The following ARHGAP6 variants were observed in gnomAD, a reference collection of about 807,000 sequenced individuals.
The protein encoded by ARHGAP6 is rho GTPase-activating protein 6.
In ARHGAP6, 16 loss-of-function variants were observed where a neutral mutation model predicts 55.7. The observed-to-expected ratio is 0.29, with a 90% CI of 0.19 to 0.44. The LOEUF is 0.44. ARHGAP6 is among the 20% of genes least tolerant of loss of function. The probability of loss-of-function intolerance (pLI) is 1.00; values close to 1 mark genes in which losing one functional copy is unlikely to be tolerated. For missense variants in ARHGAP6, 698 were observed against 808.9 expected, an observed-to-expected ratio of 0.86 and a Z score of 1.66; for synonymous variants, 382 against 360.9, an observed-to-expected ratio of 1.06 and a Z score of -0.66.
At chrX:11,157,717 G>A (rs751656863) in intron 9 of ARHGAP6, among the ~76,000 whole-genome samples, 4 of 112,506 alleles carry the variant, frequency 3.6e-5, no homozygotes, top group African/African-American at 1.3e-4. Flanking sequence ...TAAGTGGTTG[G>A]TGGAAGAATT....
At chrX:11,635,713 G>T (rs2052410769) in intron 1 of ARHGAP6, among the ~76,000 whole-genome samples, 1 of 111,211 alleles carries the variant, frequency 9.0e-6, no homozygotes, top group Admixed American at 9.6e-5. Context: ...TAAATAACCA[G>T]CATTTTTGGC....
chrX:11,588,458 A>C (rs751165415), intron 1 of ARHGAP6, among the ~76,000 whole-genome samples: 16 of 112,116 alleles, frequency 1.4e-4, no homozygotes, highest in African/African-American at 5.2e-4. Context: ...CTACCCAAAA[A>C]CTTATACATA....
intron 1 of ARHGAP6, among the ~76,000 whole-genome samples, chrX:11,391,969 T>C (rs2049412167): frequency 8.9e-6 from 1 of 112,209 alleles, no homozygotes; most frequent in South Asian, 3.7e-4. Flanking sequence ...TTGAGAACTG[T>C]CTATGACTAA....
At chrX:11,581,750 C>T (rs1269956077) in intron 1 of ARHGAP6, among the ~76,000 whole-genome samples, 1 of 110,808 alleles carries the variant, frequency 9.0e-6, no homozygotes, top group East Asian at 2.8e-4. Context: ...TGAGTGGTTG[C>T]TTACAGCCAG....
At chrX:11,334,233 C>G (rs189685617) in intron 1 of ARHGAP6, 1 of 142,223 alleles carries the variant, frequency 7.0e-6, no homozygotes, top group East Asian at 1.6e-4. Flanking sequence ...AGGGACATTA[C>G]TTGGTGACCT....
chrX:11,586,487 TGCAGTCTTATTTCTTG>T (rs1372906318), intron 1 of ARHGAP6, among the ~76,000 whole-genome samples: 2 of 111,735 alleles, frequency 1.8e-5, no homozygotes, highest in African/African-American at 6.5e-5. Context: ...ATTGTAGGTG[TGCAGTCTTATTTCTTG>T]GCTCTCTATT....
At chrX:11,203,537 T>C (rs2046663519) in intron 2 of ARHGAP6, among the ~76,000 whole-genome samples, 1 of 111,918 alleles carries the variant, frequency 8.9e-6, no homozygotes, top group Non-Finnish European at 1.9e-5. Flanking sequence ...TTGTCCTCTG[T>C]AATAACATTA....
chrX:11,440,092 G>T, intron 1 of ARHGAP6, among the ~76,000 whole-genome samples: 1 of 112,144 alleles, frequency 8.9e-6, no homozygotes, highest in East Asian at 2.8e-4. Flanking sequence ...AATGCCACAT[G>T]CTCTGAGATC....
intron 1 of ARHGAP6, among the ~76,000 whole-genome samples, chrX:11,304,244 C>T (rs1010236453): frequency 2.7e-5 from 3 of 110,398 alleles, no homozygotes; most frequent in East Asian, 5.7e-4. Flanking sequence ...AGTGAGCCAC[C>T]ACACCCAGCT....
At chrX:11,176,056 A>G (rs1212536899) in intron 8 of ARHGAP6, among the ~76,000 whole-genome samples, 1 of 100,930 alleles carries the variant, frequency 9.9e-6, no homozygotes, top group African/African-American at 3.6e-5. Flanking sequence ...TCCAGTGACT[A>G]TGGGGTCCAT....
At chrX:11,523,337 C>A (rs1004202343) in intron 1 of ARHGAP6, among the ~76,000 whole-genome samples, 1 of 110,849 alleles carries the variant, frequency 9.0e-6, no homozygotes, top group Non-Finnish European at 1.9e-5. Flanking sequence ...GACAGGGATG[C>A]CCTCTCTCAC....
intron 1 of ARHGAP6, among the ~76,000 whole-genome samples, chrX:11,403,079 A>G (rs898371322): frequency 2.7e-5 from 3 of 112,100 alleles, no homozygotes; most frequent in Non-Finnish European, 5.6e-5. Flanking sequence ...AGCTGAGTAG[A>G]ATACGGGCAG....
intron 1 of ARHGAP6, among the ~76,000 whole-genome samples, chrX:11,573,875 G>A (rs911776144): frequency 9.0e-6 from 1 of 111,362 alleles, no homozygotes; most frequent in Non-Finnish European, 1.9e-5. Flanking sequence ...GCAGTGGTTT[G>A]TGGTTCTCCT....
chrX:11,522,099 C>G (rs1284574913), intron 1 of ARHGAP6, among the ~76,000 whole-genome samples: 1 of 111,702 alleles, frequency 9.0e-6, no homozygotes, highest in Non-Finnish European at 1.9e-5. Flanking sequence ...AACCGCCCAA[C>G]TACATGGAAA....
At chrX:11,456,547 T>C (rs182641801) in intron 1 of ARHGAP6, among the ~76,000 whole-genome samples, 5 of 111,647 alleles carry the variant, frequency 4.5e-5, no homozygotes, top group Admixed American at 2.9e-4. Context: ...CCTGGCCTCA[T>C]AGAATAAAGA....
chrX:11,544,274 G>A (rs1297472476), intron 1 of ARHGAP6, among the ~76,000 whole-genome samples: 1 of 112,586 alleles, frequency 8.9e-6, no homozygotes, highest in Non-Finnish European at 1.9e-5. Context: ...ATTAACAGCA[G>A]ATGCCTAGTG....
chrX:11,237,049 T>C (rs2049944896), intron 2 of ARHGAP6, among the ~76,000 whole-genome samples: 1 of 112,815 alleles, frequency 8.9e-6, no homozygotes, highest in Non-Finnish European at 1.9e-5. Flanking sequence ...CTAAGGCTCA[T>C]TTCTCATCCA....
intron 2 of ARHGAP6, among the ~76,000 whole-genome samples, chrX:11,251,048 G>A (rs1171871747): frequency 8.9e-6 from 1 of 111,788 alleles, no homozygotes. Flanking sequence ...ATACCAGGAT[G>A]TTTATTTTTC....
At chrX:11,569,657 C>A (rs1449263435) in intron 1 of ARHGAP6, among the ~76,000 whole-genome samples, 1 of 111,839 alleles carries the variant, frequency 8.9e-6, no homozygotes, top group Non-Finnish European at 1.9e-5. Context: ...CCTCTCCTAA[C>A]CACACCCCCC....
Sources: allele counts gnomAD v4.1 joint callset (sites outside exome capture counted in the v4.1 genomes callset), GRCh38; gene constraint gnomAD v4.1.1; transcripts MANE v1.5; gene names NCBI Gene and HGNC (gene_info 2026-07-23, HGNC 2026-07-21).